Variants in GALNT17 observed in about 807,000 individuals in gnomAD.
The protein encoded by GALNT17 is polypeptide N-acetylgalactosaminyltransferase 17.
In GALNT17, 29 loss-of-function variants were observed where a neutral mutation model predicts 63.7. The ratio of observed to expected loss-of-function variants is 0.46; its 90% CI spans 0.34 to 0.62. GALNT17 has a LOEUF of 0.62. Among genes scored for constraint, GALNT17 ranks in the 20% least tolerant of loss-of-function variants. The pLI is 0.01. For synonymous variants in GALNT17, 305 were observed against 318.3 expected, an observed-to-expected ratio of 0.96 and a Z score of 0.45; for missense variants, 603 against 799.6, an observed-to-expected ratio of 0.75 and a Z score of 2.97.
At chr7:71,306,036 T>C (rs1026499145) in intron 1 of GALNT17, among the ~76,000 whole-genome samples, 1 of 152,014 alleles carries the variant, frequency 6.6e-6, no homozygotes, top group African/African-American at 2.4e-5. Context: ...CTGGCCAACA[T>C]GGCTAAACTC....
At chr7:71,153,082 A>T (rs372553327) in intron 1 of GALNT17, among the ~76,000 whole-genome samples, 108 of 152,272 alleles carry the variant, frequency 7.1e-4, no homozygotes, top group South Asian at 4.1e-3. Flanking sequence ...TAGTCAGCTG[A>T]TCTCCAGGGG....
At chr7:71,677,083 T>A (rs1791161613) in intron 8 of GALNT17, 128 bp from the exon 9 acceptor site, 1 of 883,600 alleles carries the variant, frequency 1.1e-6, no homozygotes, top group East Asian at 2.4e-5. Context: ...TGAGCCCTGG[T>A]CCTCACTTAG....
chr7:71,436,252 G>A (rs1261435398), intron 5 of GALNT17, among the ~76,000 whole-genome samples: 1 of 152,058 alleles, frequency 6.6e-6, no homozygotes, highest in Non-Finnish European at 1.5e-5. Flanking sequence ...GAGATGAGAG[G>A]ATTGCTTAAG....
At chr7:71,423,745 C>T (rs1272991471) in intron 5 of GALNT17, among the ~76,000 whole-genome samples, 4 of 151,814 alleles carry the variant, frequency 2.6e-5, no homozygotes, top group Non-Finnish European at 5.9e-5. Context: ...CAGACTGTGT[C>T]TCCACTGAAA....
chr7:71,243,651 C>T (rs187221958), intron 1 of GALNT17, among the ~76,000 whole-genome samples: 13 of 152,210 alleles, frequency 8.5e-5, no homozygotes, highest in South Asian at 8.3e-4. Flanking sequence ...GTGACCCCCC[C>T]ATCTTGGCCT....
At chr7:71,273,877 G>A (rs979940589) in intron 1 of GALNT17, among the ~76,000 whole-genome samples, 12 of 151,964 alleles carry the variant, frequency 7.9e-5, no homozygotes, top group Non-Finnish European at 1.8e-4. Context: ...GAGAGAGAGA[G>A]AATGAGAGAC....
At chr7:71,360,606 G>A (rs1051256385) in intron 2 of GALNT17, among the ~76,000 whole-genome samples, 5 of 152,176 alleles carry the variant, frequency 3.3e-5, no homozygotes, top group Non-Finnish European at 5.9e-5. Flanking sequence ...CCTAATAAGA[G>A]TGTGTAAATT....
At chr7:71,165,764 A>G (rs1788429123) in intron 1 of GALNT17, among the ~76,000 whole-genome samples, 1 of 152,202 alleles carries the variant, frequency 6.6e-6, no homozygotes, top group South Asian at 2.1e-4. Context: ...TAATGTTGAA[A>G]TTAAACCTGT....
At chr7:71,444,487 G>A (rs531479284) in intron 5 of GALNT17, among the ~76,000 whole-genome samples, 1 of 152,162 alleles carries the variant, frequency 6.6e-6, no homozygotes, top group African/African-American at 2.4e-5. Flanking sequence ...GGAAAACAGG[G>A]GTGTCTTCCG....
At chr7:71,659,711 G>A (rs1031581284) in intron 6 of GALNT17, among the ~76,000 whole-genome samples, 6 of 152,202 alleles carry the variant, frequency 3.9e-5, no homozygotes, top group African/African-American at 1.4e-4. Context: ...TTTATAGGAA[G>A]AGCAAATAAG....
intron 6 of GALNT17, among the ~76,000 whole-genome samples, chr7:71,574,187 A>C (rs1348090398): frequency 6.6e-6 from 1 of 152,210 alleles, no homozygotes; most frequent in Non-Finnish European, 1.5e-5. Context: ...GTAGTAAATG[A>C]GATACTGGGT....
chr7:71,541,262 G>C (rs2116806581), intron 5 of GALNT17, among the ~76,000 whole-genome samples: 1 of 150,480 alleles, frequency 6.6e-6, no homozygotes, highest in East Asian at 2.0e-4. Context: ...AAAAAATGCT[G>C]CGTATGATGG....
chr7:71,575,212 A>G (rs888322023), intron 6 of GALNT17, among the ~76,000 whole-genome samples: 2 of 152,150 alleles, frequency 1.3e-5, no homozygotes, highest in South Asian at 2.1e-4. Flanking sequence ...TAAGAAATCC[A>G]TCCCCACCGC....
At chr7:71,318,864 C>A (rs781223064) in intron 1 of GALNT17, among the ~76,000 whole-genome samples, 15 of 152,118 alleles carry the variant, frequency 9.9e-5, no homozygotes, top group Non-Finnish European at 1.9e-4. Flanking sequence ...AAATTCAGTA[C>A]GGAGTTGCAG....
At chr7:71,181,831 G>A (rs1308582255) in intron 1 of GALNT17, among the ~76,000 whole-genome samples, 1 of 150,788 alleles carries the variant, frequency 6.6e-6, no homozygotes, top group Admixed American at 6.6e-5. Context: ...GATCTGTGAT[G>A]GCACCATTGC....
chr7:71,213,920 C>G (rs977299591), intron 1 of GALNT17, among the ~76,000 whole-genome samples: 1 of 151,760 alleles, frequency 6.6e-6, no homozygotes, highest in African/African-American at 2.4e-5. Context: ...GCTCAGCAAA[C>G]TCTCATCTCT....
At chr7:71,638,750 C>G (rs776457600) in intron 6 of GALNT17, among the ~76,000 whole-genome samples, 2 of 152,130 alleles carry the variant, frequency 1.3e-5, no homozygotes, top group Non-Finnish European at 2.9e-5. Flanking sequence ...GCCTCTAAGT[C>G]TGGATTCTGC....
At chr7:71,463,890 G>A (rs1288790701) in intron 5 of GALNT17, among the ~76,000 whole-genome samples, 1 of 152,118 alleles carries the variant, frequency 6.6e-6, no homozygotes, top group Non-Finnish European at 1.5e-5. Context: ...CTTCTTTACT[G>A]CAACCCGTTT....
chr7:71,513,249 T>C (rs1788391868), intron 5 of GALNT17, among the ~76,000 whole-genome samples: 1 of 152,046 alleles, frequency 6.6e-6, no homozygotes, highest in Admixed American at 6.6e-5. Flanking sequence ...AATACACCAC[T>C]CCACGATTGG....
Sources: allele counts gnomAD v4.1 joint callset (sites outside exome capture counted in the v4.1 genomes callset), GRCh38; gene constraint gnomAD v4.1.1; transcripts MANE v1.5; gene names NCBI Gene and HGNC (gene_info 2026-07-23, HGNC 2026-07-21).